TJAP1: variants seen among roughly 807,000 people sequenced by gnomAD.
TJAP1 encodes tight junction associated protein 1, also known as tight junction-associated protein 1.
A neutral mutation model predicts 42.0 loss-of-function variants in TJAP1; 27 were observed. The observed-to-expected ratio is 0.64, with a 90% CI of 0.47 to 0.89. The LOEUF (loss-of-function observed/expected upper bound fraction) is 0.89. Ranked by LOEUF, TJAP1 falls within the 40% of genes least tolerant of loss-of-function variation. The pLI is 0.00. For missense variants in TJAP1, 712 were observed against 726.9 expected (o/e 0.98, Z 0.24); for synonymous variants, 257 against 288.4 (o/e 0.89, Z 1.10).
rs1349755765 is a variant in TJAP1, at chr6:43,492,116, TTGTC to T, written c.-121-5762_-121-5759del. On this transcript the variant is annotated intron_variant, in intron 2 of 10. Transcript: ENST00000372449. The surrounding 1 kb of genome is among the most constrained non-coding windows in gnomAD (Gnocchi z 4.2). ...TTAGCCCCTTGTTCCTGTGAAGTGTTTGTCTGGATGTGAGGCCAGGTGGATAGAC... is the reference window on the plus strand; with the variant it reads ...TTAGCCCCTTGTTCCTGTGAAGTGTTTGGATGTGAGGCCAGGTGGATAGAC... 6.6e-6 allele frequency among the ~76,000 whole-genome samples: 1 copy of T among 152,208 alleles called. No homozygotes were observed. Among genetic ancestry groups the T allele is most frequent in the Non-Finnish European group, 1.5e-5 (1 of 68,036 alleles).
At chr6:43,501,828 C>T in intron 6 of TJAP1, 141 bp downstream of exon 6, 2 of 543,554 alleles carry the variant, frequency 3.7e-6, no homozygotes, top group Non-Finnish European at 6.7e-6. Flanking sequence ...TGGAAGATGC[C>T]TTAGAGATCA....
At chr6:43,497,220 A>G (rs1789403999) in intron 2 of TJAP1, 1 of 150,800 alleles carries the variant, frequency 6.6e-6, no homozygotes, top group Admixed American at 6.6e-5. Context: ...TCGACAACCA[A>G]AAATGTCTCC....
At chr6:43,480,731 G>A (rs1785135765) in intron 2 of TJAP1, among the ~76,000 whole-genome samples, 1 of 152,142 alleles carries the variant, frequency 6.6e-6, no homozygotes, top group Admixed American at 6.6e-5. Context: ...GGTCATGCTG[G>A]TGTCAAACTC....
chr6:43,504,850 A>G lies in TJAP1; in HGVS notation c.669A>G (p.Pro223=), dbSNP rs752299035. 10 of 1,614,038 alleles carry G rather than the reference A, an allele frequency of 6.2e-6. No individual in the cohort carries two copies. In the Admixed American group the frequency reaches 1.2e-4, roughly 19 times the overall value. The change falls in exon 11 of 11, where the codon CCA becomes CCG. Residue 223 remains proline (P), a synonymous_variant. Coordinates refer to ENST00000372449, the Ensembl canonical transcript of TJAP1. ...CAGGTCCTGCTCCCAGCCTAGCCCC[A>G]GGGGCTGTGGTGCCTACCTCAGTCA...
rs1792135301 is a variant in TJAP1, at chr6:43,505,500, C to T, written c.1319C>T (p.Pro440Leu). The change falls in exon 11 of 11, where the codon CCT becomes CTT. Residue 440 changes from proline to leucine, a missense_variant. By Grantham distance (98) the Pro-to-Leu change is moderately conservative (BLOSUM62 -3). Coordinates refer to ENST00000372449, the Ensembl canonical transcript of TJAP1. This position sits in a 1 kb window ranked among gnomAD's most constrained non-coding sequence, Gnocchi z 5.5. ...ACAGCCTTTGGACGCGATGCCCTCC[C>T]TGAGCTGCAGCGCCATTTTGCCCAT... 3 of 1,613,802 alleles carry T rather than the reference C, an allele frequency of 1.9e-6. No homozygotes were observed. In the South Asian group the frequency reaches 3.3e-5, roughly 18 times the overall value.
intron 6 of TJAP1, 86 bp from the exon 7 acceptor site, chr6:43,502,197 T>C: frequency 7.2e-7 from 1 of 1,395,758 alleles, no homozygotes; most frequent in Non-Finnish European, 1.0e-6. Flanking sequence ...GAATGACATG[T>C]TCAAGATCCC....
chr6:43,501,951 TCTCTC>T (rs1283323800), intron 6 of TJAP1, among the ~76,000 whole-genome samples: 6 of 148,044 alleles, frequency 4.1e-5, no homozygotes, highest in South Asian at 2.2e-4. Context: ...TCTCTCTCTC[TCTCTC>T]CTTTCATAGG....
chr6:43,504,785 G>A, exon 11 of TJAP1: 1 of 1,613,850 alleles, frequency 6.2e-7, no homozygotes. Context: ...ACAGGACATG[G>A]TTCGGAAACA....
At chr6:43,502,554 T>C (rs1445747514) in intron 7 of TJAP1, 34 bp from the exon 8 acceptor site, 1 of 1,551,588 alleles carries the variant, frequency 6.4e-7, no homozygotes, top group African/African-American at 1.4e-5. Flanking sequence ...CTCCCCCTCA[T>C]GCTGCCACCG....
At chr6:43,493,019 G>A (rs1214042345) in intron 2 of TJAP1, among the ~76,000 whole-genome samples, 1 of 152,164 alleles carries the variant, frequency 6.6e-6, no homozygotes, top group Non-Finnish European at 1.5e-5. Context: ...GGAAGGGCTT[G>A]TATTTATTAT....
chr6:43,505,314 C>T lies in TJAP1; in HGVS notation c.1133C>T (p.Thr378Ile). Residue 378 changes from threonine (T) to isoleucine (I), a missense_variant, in exon 11 of 11, where the codon ACC (threonine) becomes ATC (isoleucine). Around this residue, in one of 3 missense-constraint regions of TJAP1, gnomAD observed 549 missense variants for 528.2 expected, o/e 1.04. Transcript: ENST00000372449. This position sits in a 1 kb window ranked among gnomAD's most constrained non-coding sequence, Gnocchi z 5.5. ...GCCCGCCCCAGCCCAGTGCCCAGCA[C>T]CCCTGCCTCAGCCCAGGCCTCACCC... is the stretch of plus-strand genomic sequence containing the variant. The T allele has an allele frequency of 6.2e-7, 1 of 1,610,644 alleles. No homozygotes were observed. Among genetic ancestry groups the T allele is most frequent in the Non-Finnish European group, 8.5e-7 (1 of 1,179,680 alleles).
intron 2 of TJAP1, among the ~76,000 whole-genome samples, chr6:43,486,978 G>A (rs991529608): frequency 3.9e-4 from 60 of 152,126 alleles, no homozygotes; most frequent in African/African-American, 1.4e-3. Flanking sequence ...GGCAACTTGC[G>A]GGAAGTAATA....
chr6:43,496,129 G>A (rs1789074786), intron 2 of TJAP1, among the ~76,000 whole-genome samples: 1 of 152,092 alleles, frequency 6.6e-6, no homozygotes, highest in Non-Finnish European at 1.5e-5. Flanking sequence ...TGTAGAGAAG[G>A]GGAAAGGCAG....
exon 6 of TJAP1, chr6:43,501,595 G>A (rs1171295712): frequency 6.2e-7 from 1 of 1,614,058 alleles, no homozygotes; most frequent in Non-Finnish European, 8.5e-7. Context: ...CTGAGGCCCT[G>A]GAACGTGAGC....
rs70990192 is a variant in TJAP1 at position 43,501,707 on chromosome 6, GACACACACACACACACACACACAC to G, written c.290+49_290+72del. 1.7e-4 allele frequency: 95 copies of G among 571,846 alleles called. No individual in the cohort carries two copies. The highest frequency in any genetic ancestry group is 1.3e-3 in the Middle Eastern group (3 of 2,236). The allele number at this position is 571,846 out of a possible 1,614,324, so 35.4% of individuals were successfully genotyped here. A position where few individuals can be genotyped will look rare whatever the true frequency, so the allele number is the denominator to read the frequency against. Reference sequence around the variant, plus strand: ...CCGCAGGTGTGGGAATGAGGGGCCAGACACACACACACACACACACACACACACACACACACACACACACACACA... The same window carrying G: ...CCGCAGGTGTGGGAATGAGGGGCCAGACACACACACACACACACACACACA... On this transcript the variant is annotated intron_variant, in intron 6 of 10. Coordinates refer to ENST00000372449, the Ensembl canonical transcript of TJAP1.
rs141516214 is a variant in TJAP1, at chr6:43,501,572, G to A, written c.175G>A (p.Ala59Thr). 7.4e-6 allele frequency: 12 copies of A among 1,613,970 alleles called. No homozygotes were observed. The highest frequency in any genetic ancestry group is 4.0e-5 in the African/African-American group (3 of 75,012). ...AGAGCTTCGCCGGCGCCTGGCCTCCGCCACCAGACGCACTGAGGCCCTGGA... is the reference window on the plus strand; with the variant it reads ...AGAGCTTCGCCGGCGCCTGGCCTCCACCACCAGACGCACTGAGGCCCTGGA... Residue 59 changes from alanine (A) to threonine (T), a missense_variant, in exon 6 of 11, where the codon GCC becomes ACC. Around this residue, in one of 3 missense-constraint regions of TJAP1, gnomAD observed 158 missense variants for 182.1 expected, o/e 0.87. Transcript: ENST00000372449.
At position 43,500,386 on chromosome 6, in the gene TJAP1, T is replaced by A. The variant is rs563801714; in HGVS notation, c.100-358T>A. Among the ~76,000 whole-genome samples the A allele has an allele frequency of 5.1e-4, 78 of 152,340 alleles. 2 individuals are homozygous for A. In the South Asian group the frequency reaches 0.016, roughly 30 times the overall value. ...TTCAGCCTGACTTTTCTGGAAGGTCTCTGCCATACCTCTGTGGATACAGGA... is the reference window on the plus strand; with the variant it reads ...TTCAGCCTGACTTTTCTGGAAGGTCACTGCCATACCTCTGTGGATACAGGA... On this transcript the variant is annotated intron_variant, in intron 4 of 10. Transcript: ENST00000372449.
At chr6:43,478,937 G>A (rs1018183646) in intron 2 of TJAP1, among the ~76,000 whole-genome samples, 2 of 152,220 alleles carry the variant, frequency 1.3e-5, no homozygotes, top group African/African-American at 4.8e-5. Context: ...GACAAGTGTG[G>A]TGATGCAAAG....
At chr6:43,494,194 A>G (rs780009691) in intron 2 of TJAP1, among the ~76,000 whole-genome samples, 18 of 152,342 alleles carry the variant, frequency 1.2e-4, no homozygotes, top group South Asian at 2.1e-4. Context: ...CAACATGGCA[A>G]TTAGGAAGCT....
Sources: allele counts gnomAD v4.1 joint callset (sites outside exome capture counted in the v4.1 genomes callset), GRCh38; gene constraint gnomAD v4.1.1; regional missense constraint gnomAD v4.1.1; non-coding constraint Gnocchi (gnomAD v3.1); transcripts MANE v1.5; gene names NCBI Gene and HGNC (gene_info 2026-07-23, HGNC 2026-07-21).